Variants in FCHO2 observed in about 807,000 individuals in gnomAD.
The protein encoded by FCHO2 is F-BAR domain only protein 2.
A neutral mutation model predicts 114.1 loss-of-function variants in FCHO2; 43 were observed. That is an observed-to-expected ratio of 0.38 (90% CI 0.30 to 0.49). FCHO2 has a LOEUF of 0.49. Among genes scored for constraint, FCHO2 ranks in the 20% least tolerant of loss-of-function variants. The probability of loss-of-function intolerance (pLI) is 0.97; values close to 1 mark genes in which losing one functional copy is unlikely to be tolerated. For missense variants in FCHO2, 807 were observed against 950.4 expected, an observed-to-expected ratio of 0.85 and a Z score of 1.98; for synonymous variants, 293 against 315.2, an observed-to-expected ratio of 0.93 and a Z score of 0.75.
intron 2 of FCHO2, among the ~76,000 whole-genome samples, chr5:72,979,914 T>C (rs1171496311): frequency 6.6e-6 from 1 of 152,198 alleles, no homozygotes; most frequent in Non-Finnish European, 1.5e-5. Context: ...TTCATTGATT[T>C]TTTTGAACGC....
intron 8 of FCHO2, among the ~76,000 whole-genome samples, chr5:73,019,626 T>C (rs1006554809): frequency 2.0e-5 from 3 of 152,326 alleles, no homozygotes; most frequent in African/African-American, 2.4e-5. Context: ...AAGTTAACGC[T>C]AATCTTTCTA....
rs1235824087 is a variant in FCHO2 at position 73,058,499 on chromosome 5, A to G, written c.1320A>G (p.Ser440=). The change falls in exon 17 of 26, where the codon TCA becomes TCG. Residue 440 remains serine, a synonymous_variant. Coordinates refer to ENST00000430046, the MANE Select transcript of FCHO2 (RefSeq NM_138782.3). The stretch of plus-strand genomic sequence containing the variant: ...GACCATCTCTTGATTCATCTTCTTC[A>G]TCTTCACTAACTTCATCATCATCAG... ...LFGPSLDSSS[S]SSLTSSSSAR... 9 of 1,505,914 alleles carry G rather than the reference A, an allele frequency of 6.0e-6. No homozygotes were observed. The highest frequency in any genetic ancestry group is 6.4e-6 in the Non-Finnish European group (7 of 1,099,618). 93.3% of individuals were successfully genotyped at this position (1,505,914 alleles called of 1,614,324 possible).
chr5:73,085,111 G>A (rs1429489796), intron 24 of FCHO2, among the ~76,000 whole-genome samples: 2 of 152,204 alleles, frequency 1.3e-5, no homozygotes, highest in African/African-American at 2.4e-5. Flanking sequence ...AGCACTTTGG[G>A]AGGCCAAGGC....
intron 24 of FCHO2, 34 bp downstream of exon 24, chr5:73,082,859 G>T (rs1429416880): frequency 6.8e-7 from 1 of 1,467,148 alleles, no homozygotes; most frequent in East Asian, 2.3e-5. Context: ...TTTATAAAAT[G>T]ATGTCACTGA....
intron 5 of FCHO2, among the ~76,000 whole-genome samples, chr5:73,004,148 A>G (rs1234653776): frequency 6.6e-6 from 1 of 152,116 alleles, no homozygotes; most frequent in Non-Finnish European, 1.5e-5. Context: ...AGAACAAACT[A>G]AAATTTATTT....
chr5:73,062,515 A>T (rs1245751007), intron 17 of FCHO2, among the ~76,000 whole-genome samples: 1 of 152,074 alleles, frequency 6.6e-6, no homozygotes, highest in Non-Finnish European at 1.5e-5. Flanking sequence ...TATGGGCTTC[A>T]GATTTTGGTG....
At chr5:72,989,781 A>G (rs555399777) in intron 3 of FCHO2, among the ~76,000 whole-genome samples, 4 of 152,134 alleles carry the variant, frequency 2.6e-5, no homozygotes, top group Non-Finnish European at 4.4e-5. Flanking sequence ...TGCACATGCA[A>G]TGTATTTATT....
intron 7 of FCHO2, 93 bp from the exon 8 acceptor site, chr5:73,017,119 A>G: frequency 1.4e-6 from 1 of 723,238 alleles, no homozygotes; most frequent in East Asian, 3.1e-5. Context: ...ACATATTTTG[A>G]TATAATTAAT....
At chr5:72,974,602 C>T (rs2112622003) in intron 2 of FCHO2, among the ~76,000 whole-genome samples, 1 of 151,774 alleles carries the variant, frequency 6.6e-6, no homozygotes, top group East Asian at 1.9e-4. Flanking sequence ...TGTGTCTCTG[C>T]ATGTGAGATG....
At chr5:72,966,470 T>C (rs1379350947) in intron 1 of FCHO2, among the ~76,000 whole-genome samples, 9 of 152,152 alleles carry the variant, frequency 5.9e-5, no homozygotes, top group Non-Finnish European at 1.2e-4. Context: ...ATCTTAAACA[T>C]GTAAAGTTGC....
chr5:73,020,132 C>T (rs1246544720), intron 8 of FCHO2, among the ~76,000 whole-genome samples: 2 of 152,166 alleles, frequency 1.3e-5, no homozygotes, highest in African/African-American at 4.8e-5. Context: ...AACTGCCAGA[C>T]CCCTGAACTA....
intron 2 of FCHO2, among the ~76,000 whole-genome samples, chr5:72,978,917 A>G (rs1436731534): frequency 6.6e-6 from 1 of 152,096 alleles, no homozygotes; most frequent in Admixed American, 6.6e-5. Flanking sequence ...ACATTTATTG[A>G]TTTGCGTATG....
intron 2 of FCHO2, among the ~76,000 whole-genome samples, chr5:72,973,615 A>G (rs888680515): frequency 3.1e-4 from 46 of 149,956 alleles, no homozygotes; most frequent in African/African-American, 1.0e-3. Context: ...TAGTCTTGCT[A>G]GTGGTCTATC....
At chr5:72,963,014 A>G (rs1236487753) in intron 1 of FCHO2, among the ~76,000 whole-genome samples, 2 of 152,188 alleles carry the variant, frequency 1.3e-5, no homozygotes, top group Non-Finnish European at 2.9e-5. Flanking sequence ...TGAGACCTGT[A>G]ATGATATCTA....
chr5:73,066,579 T>C lies in FCHO2; in HGVS notation c.1450-2071T>C, dbSNP rs533176037. Among the ~76,000 whole-genome samples the C allele has an allele frequency of 1.9e-3, 274 of 147,468 alleles. 3 individuals carry two copies. Among genetic ancestry groups the C allele is most frequent in the African/African-American group, 6.3e-3 (255 of 40,528 alleles). On this transcript the variant is annotated intron_variant, in intron 18 of 25. Transcript: ENST00000430046. ...CTGTACATTGGAGTGCCTTTTCTTTTTTTTTTTTTTTTTTTGCATGCTCAT... is the reference window on the plus strand; with the variant it reads ...CTGTACATTGGAGTGCCTTTTCTTTCTTTTTTTTTTTTTTTGCATGCTCAT...
At chr5:73,077,620 AGTT>A (rs1742955958) in intron 21 of FCHO2, 127 bp downstream of exon 21, 15 of 1,046,934 alleles carry the variant, frequency 1.4e-5, no homozygotes, top group Admixed American at 3.2e-5. Flanking sequence ...GCTTGAGCCC[AGTT>A]GTTCAAAACC....
At chr5:72,963,574 CCT>C (rs2112588049) in intron 1 of FCHO2, among the ~76,000 whole-genome samples, 1 of 151,838 alleles carries the variant, frequency 6.6e-6, no homozygotes, top group East Asian at 1.9e-4. Context: ...ACAGGGTCTT[CCT>C]CTGTCGCCCA....
chr5:73,082,726 G>A (rs1743160454), intron 23 of FCHO2, 35 bp from the exon 24 acceptor site: 3 of 1,563,166 alleles, frequency 1.9e-6, no homozygotes, highest in Non-Finnish European at 2.6e-6. Flanking sequence ...TACTATACTA[G>A]ACACAAAACC....
At position 73,088,169 on chromosome 5, in the gene FCHO2, T is replaced by TA; in HGVS notation, c.*81dup. ...TATCTGTTCTTTCCAAACACTATTTTAACTTGTATGATGTCTTTCAAACTT... is the reference window on the plus strand; with the variant it reads ...TATCTGTTCTTTCCAAACACTATTTTAAACTTGTATGATGTCTTTCAAACTT... On this transcript the variant is annotated 3_prime_UTR_variant, in exon 26 of 26. Coordinates refer to ENST00000430046, the MANE Select transcript of FCHO2 (RefSeq NM_138782.3). 6.4e-7 allele frequency: 1 copy of TA among 1,566,814 alleles called. No individual in the cohort carries two copies.
Sources: allele counts gnomAD v4.1 joint callset (sites outside exome capture counted in the v4.1 genomes callset), GRCh38; gene constraint gnomAD v4.1.1; transcripts MANE v1.5; gene names NCBI Gene and HGNC (gene_info 2026-07-23, HGNC 2026-07-21).